The following SCMH1 variants were observed in gnomAD, a reference collection of about 807,000 sequenced individuals.
SCMH1 encodes polycomb protein SCMH1.
A neutral mutation model predicts 70.8 loss-of-function variants in SCMH1; 37 were observed. That is an observed-to-expected ratio of 0.52 (90% CI 0.40 to 0.69). The LOEUF (loss-of-function observed/expected upper bound fraction) is 0.69. Among genes scored for constraint, SCMH1 ranks in the 30% least tolerant of loss-of-function variants. The pLI, the probability that SCMH1 is intolerant of heterozygous loss-of-function variation, is 0.00. For missense variants in SCMH1, 607 were observed against 827.3 expected, an observed-to-expected ratio of 0.73 and a Z score of 3.27; for synonymous variants, 292 against 307.4, an observed-to-expected ratio of 0.95 and a Z score of 0.52.
chr1:41,102,714 G>A (rs1166050242), intron 8 of SCMH1, among the ~76,000 whole-genome samples: 1 of 152,180 alleles, frequency 6.6e-6, no homozygotes, highest in Non-Finnish European at 1.5e-5. Flanking sequence ...TAGTTTTCTA[G>A]GGCAGTAGGT....
intron 1 of SCMH1, among the ~76,000 whole-genome samples, chr1:41,233,460 C>T (rs1661705132): frequency 6.6e-6 from 1 of 152,086 alleles, no homozygotes; most frequent in South Asian, 2.1e-4. Context: ...CTATAGATAG[C>T]AGAAGATCAA....
chr1:41,221,709 G>A (rs968323267), intron 1 of SCMH1, among the ~76,000 whole-genome samples: 3 of 151,300 alleles, frequency 2.0e-5, no homozygotes, highest in Admixed American at 6.6e-5. Context: ...CCAACATGGC[G>A]AAACCCTATC....
At chr1:41,083,649 A>G (rs967971733) in intron 8 of SCMH1, among the ~76,000 whole-genome samples, 1 of 152,204 alleles carries the variant, frequency 6.6e-6, no homozygotes, top group Non-Finnish European at 1.5e-5. Flanking sequence ...TGGAACCAAA[A>G]AAGAGCCCGC....
chr1:41,208,833 G>C (rs1020362539), intron 1 of SCMH1, among the ~76,000 whole-genome samples: 1 of 152,092 alleles, frequency 6.6e-6, no homozygotes, highest in Non-Finnish European at 1.5e-5. Context: ...AGAGGCAAGA[G>C]CAAACACATT....
At chr1:41,071,112 A>T (rs1656330736) in intron 9 of SCMH1, among the ~76,000 whole-genome samples, 1 of 152,188 alleles carries the variant, frequency 6.6e-6, no homozygotes, top group Non-Finnish European at 1.5e-5. Flanking sequence ...AACAAAAAAA[A>T]ATAGAAATGA....
In SCMH1 at chr1:41,028,774, A is replaced by G. The variant is rs145677514; in HGVS notation, c.1679-48T>C. 19 of 1,599,926 alleles carry G rather than the reference A, an allele frequency of 1.2e-5. No homozygotes were observed. The African/African-American group carries it at 2.4e-4, about 20-fold the overall frequency. On this transcript the variant is annotated intron_variant, in intron 13 of 14. Transcript: ENST00000337495. ...CCATAAAGGGCGGGGACTGGTTTGT[A>G]AATCCCCACCACTCTCCTTGGCACA...
chr1:41,113,639 G>T lies in SCMH1; in HGVS notation c.502-113C>A. ...GTGACTGCTACATGAGACTTATAAT[G>T]GATATATAGCCTTTCTTTTAAATTA... On this transcript the variant is annotated intron_variant, in intron 7 of 14. Coordinates refer to ENST00000337495, the Ensembl canonical transcript of SCMH1. The surrounding 1 kb of genome is among the most constrained non-coding windows in gnomAD (Gnocchi z 4.3). 9.5e-7 allele frequency: 1 copy of T among 1,053,954 alleles called. No homozygotes were observed. 65.3% of individuals were successfully genotyped at this position (1,053,954 alleles called of 1,614,324 possible). A position where few individuals can be genotyped will look rare whatever the true frequency, so the allele number is the denominator to read the frequency against.
At chr1:41,176,929 T>C (rs1647191378) in intron 2 of SCMH1, among the ~76,000 whole-genome samples, 1 of 152,186 alleles carries the variant, frequency 6.6e-6, no homozygotes, top group African/African-American at 2.4e-5. Context: ...GATGGAAATC[T>C]GAGAATGGAC....
chr1:41,095,074 T>G (rs1664726930), intron 8 of SCMH1, among the ~76,000 whole-genome samples: 1 of 152,140 alleles, frequency 6.6e-6, no homozygotes, highest in Non-Finnish European at 1.5e-5. Context: ...AGATAAATTA[T>G]CGCTACCAGT....
intron 1 of SCMH1, among the ~76,000 whole-genome samples, chr1:41,235,287 A>G (rs1474937793): frequency 1.3e-5 from 2 of 152,108 alleles, no homozygotes; most frequent in Non-Finnish European, 2.9e-5. Context: ...TATTATGCTC[A>G]TAACAAGAGT....
intron 4 of SCMH1, among the ~76,000 whole-genome samples, chr1:41,157,743 TA>T (rs1242579636): frequency 1.3e-5 from 2 of 152,202 alleles, no homozygotes; most frequent in Admixed American, 1.3e-4. Flanking sequence ...ACTCAGTGAC[TA>T]AAGCTCAGCA....
chr1:41,079,331 A>T (rs1165399001), intron 8 of SCMH1, among the ~76,000 whole-genome samples: 2 of 141,478 alleles, frequency 1.4e-5, no homozygotes, highest in South Asian at 4.4e-4. Context: ...AGTAGGAATA[A>T]ATGAACAAAC....
chr1:41,202,858 C>T (rs1273002014), intron 1 of SCMH1, among the ~76,000 whole-genome samples: 1 of 152,024 alleles, frequency 6.6e-6, no homozygotes, highest in Non-Finnish European at 1.5e-5. Flanking sequence ...TAGAACAGTG[C>T]TATCCAACAG....
chr1:41,124,336 C>A (rs1029062513), intron 6 of SCMH1, among the ~76,000 whole-genome samples: 2 of 152,056 alleles, frequency 1.3e-5, no homozygotes, highest in African/African-American at 4.8e-5. Context: ...TAAAAATATT[C>A]TCATTTGTCC....
At chr1:41,063,248 C>T (rs1429563947) in intron 10 of SCMH1, among the ~76,000 whole-genome samples, 1 of 151,846 alleles carries the variant, frequency 6.6e-6, no homozygotes, top group Non-Finnish European at 1.5e-5. Flanking sequence ...CTGAGGCGGG[C>T]GGATCATGAG....
At chr1:41,174,067 T>C (rs1646959141) in intron 2 of SCMH1, among the ~76,000 whole-genome samples, 2 of 152,146 alleles carry the variant, frequency 1.3e-5, no homozygotes, top group African/African-American at 2.4e-5. Context: ...TATTTTCAAA[T>C]AGCAAGAAGA....
chr1:41,215,364 C>T (rs1657867377), intron 1 of SCMH1, among the ~76,000 whole-genome samples: 1 of 152,142 alleles, frequency 6.6e-6, no homozygotes, highest in South Asian at 2.1e-4. Context: ...AGATAAAATC[C>T]ACCAGAACCC....
At position 41,100,568 on chromosome 1, in the gene SCMH1, T is replaced by C. The variant is rs1452302799; in HGVS notation, c.745+12715A>G. ...AGGATAGCCTTTTCTTTTCTTTTTCTTTTTTTTTTTTTTTTGAGACGGAGT... is the reference window on the plus strand; with the variant it reads ...AGGATAGCCTTTTCTTTTCTTTTTCCTTTTTTTTTTTTTTTGAGACGGAGT... On this transcript the variant is annotated intron_variant, in intron 8 of 14. Transcript: ENST00000337495. Among the ~76,000 whole-genome samples the C allele has an allele frequency of 4.3e-5, 5 of 116,206 alleles. No individual in the cohort carries two copies. In the South Asian group the frequency reaches 1.2e-3, roughly 27 times the overall value. 76.2% of individuals were successfully genotyped at this position (116,206 alleles called of 152,430 possible).
In SCMH1 at chr1:41,059,832, A is replaced by C. The variant is rs192446934; in HGVS notation, c.1105+10763T>G. 1.9e-3 allele frequency among the ~76,000 whole-genome samples: 287 copies of C among 152,224 alleles called. 2 individuals carry two copies. The highest frequency in any genetic ancestry group is 6.5e-3 in the African/African-American group (268 of 41,532). On this transcript the variant is annotated intron_variant, in intron 10 of 14. Transcript: ENST00000337495. ...TGTTCCCCCTCCTGTAAGGGGTTTG[A>C]GTGCACGGCGCTGAAAAGACAAGCC...
Sources: gnomAD v4.1 joint callset for allele counts (sites outside exome capture counted in the v4.1 genomes callset) on GRCh38, gnomAD v4.1.1 for gene constraint, Gnocchi (gnomAD v3.1) non-coding constraint, MANE v1.5 for transcripts, NCBI Gene and HGNC (gene_info 2026-07-23, HGNC 2026-07-21) for gene names.